Variants in ARID4B observed in about 807,000 individuals in gnomAD.
The protein encoded by ARID4B is AT-rich interaction domain 4B.
In ARID4B, 26 loss-of-function variants were observed where a neutral mutation model predicts 147.5. The ratio of observed to expected loss-of-function variants is 0.18; its 90% confidence interval spans 0.13 to 0.24. ARID4B has a LOEUF of 0.24. Among genes scored for constraint, ARID4B ranks in the 10% least tolerant of loss-of-function variants. ARID4B has a pLI of 1.00. For missense variants in ARID4B, 1,179 were observed against 1,511.5 expected, an observed-to-expected ratio of 0.78 and a Z score of 3.65; for synonymous variants, 512 against 507.9, an observed-to-expected ratio of 1.01 and a Z score of -0.11.
At chr1:235,244,582 G>A (rs1669183477) in intron 7 of ARID4B, among the ~76,000 whole-genome samples, 1 of 152,090 alleles carries the variant, frequency 6.6e-6, no homozygotes, top group African/African-American at 2.4e-5. Flanking sequence ...TTTAATGGAA[G>A]ATGTTAAAAG....
rs1663087414 is a variant in ARID4B, at chr1:235,168,385, G to A, written c.*140C>T. On this transcript the variant is annotated 3_prime_UTR_variant, in exon 24 of 24. Transcript: ENST00000264183. ...TTTCTTCATAAAAAAGTGCACTTAA[G>A]TGCCAAGTCAGCTTGTCAAGAAACA... The A allele has an allele frequency of 1.0e-6, 1 of 977,958 alleles. No individual in the cohort carries two copies. Among genetic ancestry groups the A allele is most frequent in the Non-Finnish European group, 1.4e-6 (1 of 710,060 alleles). 60.6% of individuals were successfully genotyped at this position (977,958 alleles called of 1,614,324 possible).
intron 2 of ARID4B, among the ~76,000 whole-genome samples, chr1:235,267,212 A>G (rs1395166470): frequency 1.3e-5 from 2 of 152,198 alleles, no homozygotes; most frequent in African/African-American, 4.8e-5. Context: ...CAGGAAATGG[A>G]GGCTGCAGTG....
At chr1:235,322,070 C>G (rs1442475465) in intron 2 of ARID4B, among the ~76,000 whole-genome samples, 1 of 151,830 alleles carries the variant, frequency 6.6e-6, no homozygotes, top group African/African-American at 2.4e-5. Flanking sequence ...CTCTTGTCAC[C>G]CAGGCTGGAG....
chr1:235,274,436 A>G (rs888708466), intron 2 of ARID4B, among the ~76,000 whole-genome samples: 1 of 152,072 alleles, frequency 6.6e-6, no homozygotes, highest in Non-Finnish European at 1.5e-5. Flanking sequence ...TTTTGCACCA[A>G]CCTAATAGTT....
intron 2 of ARID4B, among the ~76,000 whole-genome samples, chr1:235,281,318 A>G (rs1043391217): frequency 6.6e-6 from 1 of 152,280 alleles, no homozygotes; most frequent in Non-Finnish European, 1.5e-5. Context: ...TGGGAGGCTG[A>G]GGCGGGTGGC....
rs1433634779 is a variant in ARID4B at position 235,173,258 on chromosome 1, C to T, written c.3665-494G>A. On this transcript the variant is annotated intron_variant, in intron 22 of 23. Transcript: ENST00000264183. ...ACTCGGGAGGCTGGGGCAGGATAAT[C>T]GCTTGAATCTGGAAGGTGGAGGTTG... Among the ~76,000 whole-genome samples, 3 of 152,016 alleles carry T rather than the reference C, an allele frequency of 2.0e-5. No homozygotes were observed. In the East Asian group the frequency reaches 5.8e-4, roughly 29 times the overall value.
rs1169414831 is a variant in ARID4B at position 235,173,771 on chromosome 1, AATATATATATATATATATATATAT to A, written c.3665-1031_3665-1008del. Among the ~76,000 whole-genome samples the A allele has an allele frequency of 4.5e-3, 144 of 32,348 alleles. 1 individual carries two copies. Among genetic ancestry groups the A allele is most frequent in the East Asian group, 0.018 (17 of 958 alleles). 21.2% of individuals were successfully genotyped at this position (32,348 alleles called of 152,430 possible). On this transcript the variant is annotated intron_variant, in intron 22 of 23. Transcript: ENST00000264183. Reference sequence around the variant, plus strand: ...AAAAAAAAAAAAAAAAAAAAAAAAAAATATATATATATATATATATATATATATATATATATATATATGTATACC... The same window carrying A: ...AAAAAAAAAAAAAAAAAAAAAAAAAAATATATATATATATATATGTATACC...
At chr1:235,208,759 C>A (rs1447243458) in intron 17 of ARID4B, among the ~76,000 whole-genome samples, 1 of 152,054 alleles carries the variant, frequency 6.6e-6, no homozygotes, top group East Asian at 1.9e-4. Flanking sequence ...TCAGGTGATC[C>A]GCCCACCTCG....
chr1:235,264,268 C>T (rs199834511), intron 2 of ARID4B, among the ~76,000 whole-genome samples: 2 of 152,100 alleles, frequency 1.3e-5, no homozygotes, highest in Non-Finnish European at 2.9e-5. Context: ...GTGGTCAGAA[C>T]GGCAAGTTTT....
At chr1:235,260,486 C>T (rs1188325343) in intron 3 of ARID4B, among the ~76,000 whole-genome samples, 156 bp downstream of exon 3, 1 of 152,244 alleles carries the variant, frequency 6.6e-6, no homozygotes, top group Non-Finnish European at 1.5e-5. Context: ...AATTATAATA[C>T]TTTTAAAATA....
intron 2 of ARID4B, among the ~76,000 whole-genome samples, chr1:235,267,648 C>A (rs564017758): frequency 6.6e-6 from 1 of 151,900 alleles, no homozygotes; most frequent in Non-Finnish European, 1.5e-5. Flanking sequence ...CTGGCTAACC[C>A]GGTGAAACCC....
At position 235,168,667 on chromosome 1, in the gene ARID4B, G is replaced by C; in HGVS notation, c.3812-15C>G. ...TGTAGCAGCACCTAAGGAAAAGGGA[G>C]ACCAAACCAAGAGCTTAATAAAAAT... On this transcript the variant is annotated splice_polypyrimidine_tract_variant and intron_variant, in intron 23 of 23. Transcript: ENST00000264183. The C allele has an allele frequency of 1.2e-6, 2 of 1,606,946 alleles. No homozygotes were observed. The highest frequency in any genetic ancestry group is 1.7e-6 in the Non-Finnish European group (2 of 1,176,246).
chr1:235,256,943 A>G (rs995893061), intron 4 of ARID4B, among the ~76,000 whole-genome samples: 3 of 152,166 alleles, frequency 2.0e-5, no homozygotes, highest in African/African-American at 7.2e-5. Flanking sequence ...GTACACAATC[A>G]TAACTTATTG....
In ARID4B at chr1:235,179,143, G is replaced by A. The variant is rs552608319; in HGVS notation, c.3335-1230C>T. ...AAGAGGAAAAAACTACATCTAAATA[G>A]TAAAACTTAAATTTTAACTTGTGAT... On this transcript the variant is annotated intron_variant, in intron 20 of 23. Coordinates refer to ENST00000264183, the MANE Select transcript of ARID4B (RefSeq NM_016374.6). Among the ~76,000 whole-genome samples the A allele has an allele frequency of 1.3e-3, 193 of 152,208 alleles. 1 individual carries two copies. Among genetic ancestry groups the A allele is most frequent in the African/African-American group, 4.5e-3 (188 of 41,540 alleles).
Position 235,193,088 on chromosome 1 carries a change from C to A in ARID4B, c.2125+925G>T, listed in dbSNP as rs375987990. Among the ~76,000 whole-genome samples the A allele has an allele frequency of 3.0e-4, 45 of 148,596 alleles. 1 individual carries two copies. The highest frequency in any genetic ancestry group is 2.8e-3 in the Admixed American group (42 of 14,890). On this transcript the variant is annotated intron_variant, in intron 19 of 23. Transcript: ENST00000264183. ...CAGCCTGGGTGACAGAGCGAGACTC[C>A]GTCTCAAAAAAAAAAAAAAAGCAGT...
intron 19 of ARID4B, among the ~76,000 whole-genome samples, chr1:235,187,714 A>G (rs1341707020): frequency 6.6e-6 from 1 of 152,250 alleles, no homozygotes; most frequent in African/African-American, 2.4e-5. Context: ...ATACATATAC[A>G]TACACATATG....
At chr1:235,217,421 T>C (rs192297113) in intron 16 of ARID4B, among the ~76,000 whole-genome samples, 24 of 151,506 alleles carry the variant, frequency 1.6e-4, no homozygotes, top group African/African-American at 5.1e-4. Context: ...CATGCACTCA[T>C]ATACATACAT....
In ARID4B at chr1:235,240,193, C is replaced by A. The variant is rs1349670601; in HGVS notation, c.585+120G>T. ...ACGTTGAAAGTAAGCTTAGTGTGAA[C>A]TAAATAATGCTAAAAACATTTCCTC... is the stretch of plus-strand genomic sequence containing the variant. On this transcript the variant is annotated intron_variant, in intron 8 of 23. Coordinates refer to ENST00000264183, the MANE Select transcript of ARID4B (RefSeq NM_016374.6). 4 of 924,450 alleles carry A rather than the reference C, an allele frequency of 4.3e-6. No homozygotes were observed. The East Asian group carries it at 1.1e-4, about 25-fold the overall frequency. The allele number at this position is 924,450 out of a possible 1,614,324, so 57.3% of individuals were successfully genotyped here.
chr1:235,281,869 A>C (rs2103180987), intron 2 of ARID4B, among the ~76,000 whole-genome samples: 1 of 152,370 alleles, frequency 6.6e-6, no homozygotes, highest in East Asian at 1.9e-4. Flanking sequence ...TGCTGAAAAA[A>C]TCAGAAATAC....
Sources: gnomAD v4.1 joint callset for allele counts (sites outside exome capture counted in the v4.1 genomes callset) on GRCh38, gnomAD v4.1.1 for gene constraint, MANE v1.5 for transcripts, NCBI Gene and HGNC (gene_info 2026-07-23, HGNC 2026-07-21) for gene names.